TNNI3K: variants seen among roughly 807,000 people sequenced by gnomAD.
The protein encoded by TNNI3K is serine/threonine-protein kinase TNNI3K.
In TNNI3K, 140 loss-of-function variants were observed where a neutral mutation model predicts 114.5. The observed-to-expected ratio is 1.22, with a 90% CI of 1.07 to 1.41. TNNI3K has a LOEUF of 1.41. Among genes scored for constraint, TNNI3K ranks in the 40% most tolerant of loss-of-function variants. The pLI is 0.00. For synonymous variants in TNNI3K, 347 were observed against 347.5 expected, an observed-to-expected ratio of 1.00 and a Z score of 0.02; for missense variants, 1,125 against 1,007.6, an observed-to-expected ratio of 1.12 and a Z score of -1.58.
intron 5 of TNNI3K, among the ~76,000 whole-genome samples, chr1:74,326,405 A>G (rs1659906362): frequency 6.6e-6 from 1 of 152,186 alleles, no homozygotes; most frequent in Admixed American, 6.5e-5. Context: ...TTAAAGTTAT[A>G]CTGTAGCAAA....
At chr1:74,418,611 A>G (rs1665247145) in intron 17 of TNNI3K, among the ~76,000 whole-genome samples, 1 of 152,114 alleles carries the variant, frequency 6.6e-6, no homozygotes, top group South Asian at 2.1e-4. Flanking sequence ...CTAATTGGGT[A>G]AAAATTTACG....
chr1:74,464,580 G>T, intron 21 of TNNI3K: 3 of 1,480,550 alleles, frequency 2.0e-6, no homozygotes, highest in South Asian at 2.8e-5. Flanking sequence ...AATAAAATAG[G>T]CCCCAGTCCA....
chr1:74,352,680 C>A (rs975835620), intron 9 of TNNI3K, among the ~76,000 whole-genome samples: 1 of 152,182 alleles, frequency 6.6e-6, no homozygotes, highest in Non-Finnish European at 1.5e-5. Context: ...GGCGTCCCTC[C>A]CCCAGCCTCG....
intron 9 of TNNI3K, among the ~76,000 whole-genome samples, chr1:74,348,561 A>C (rs1211492266): frequency 1.3e-5 from 2 of 152,148 alleles, no homozygotes; most frequent in Non-Finnish European, 2.9e-5. Context: ...TGATGGAGAT[A>C]CTATTGAATC....
intron 23 of TNNI3K, among the ~76,000 whole-genome samples, chr1:74,502,477 T>G (rs538906728): frequency 6.6e-6 from 1 of 152,230 alleles, no homozygotes; most frequent in South Asian, 2.1e-4. Flanking sequence ...ATAATTTAAT[T>G]TGGGCCTGTC....
intron 4 of TNNI3K, among the ~76,000 whole-genome samples, chr1:74,268,287 G>A (rs1570396299): frequency 6.6e-6 from 1 of 151,836 alleles, no homozygotes; most frequent in Non-Finnish European, 1.5e-5. Context: ...GTTTTAAGGC[G>A]ATGTTTTTCC....
At chr1:74,290,506 A>G (rs1207318818) in intron 5 of TNNI3K, among the ~76,000 whole-genome samples, 1 of 151,806 alleles carries the variant, frequency 6.6e-6, no homozygotes, top group Non-Finnish European at 1.5e-5. Flanking sequence ...TTCATGCAAA[A>G]TAAAAAAGTA....
Position 74,336,099 on chromosome 1 carries a change from G to T in TNNI3K, c.632G>T (p.Gly211Val), listed in dbSNP as rs760818407. The change falls in exon 7 of 25, where the codon GGA becomes GTA. Residue 211 changes from glycine to valine, a missense_variant. Physicochemically the swap from Gly to Val is moderately radical, Grantham distance 109. Coordinates refer to ENST00000326637, the MANE Select transcript of TNNI3K (RefSeq NM_015978.3). ...CCCCTCCACCTAGCATCTGCAAAAG[G>T]ATTCTTGAATATTGCAAAACTCTTG... is the stretch of plus-strand genomic sequence containing the variant. The part of the protein sequence containing the change: ...DRPLHLASAK[G>V]FLNIAKLLME... 1.2e-6 allele frequency: 2 copies of T among 1,604,274 alleles called. No individual in the cohort carries two copies. The highest frequency in any genetic ancestry group is 1.7e-6 in the Non-Finnish European group (2 of 1,177,082).
At chr1:74,340,651 G>A (rs540920484) in intron 7 of TNNI3K, among the ~76,000 whole-genome samples, 1 of 152,222 alleles carries the variant, frequency 6.6e-6, no homozygotes, top group South Asian at 2.1e-4. Context: ...ATACTGGGTG[G>A]GGCCAAGGAT....
chr1:74,284,675 C>T (rs1657216881), intron 5 of TNNI3K, among the ~76,000 whole-genome samples: 1 of 152,204 alleles, frequency 6.6e-6, no homozygotes. Flanking sequence ...TTACTCTTTT[C>T]TCTGCCCTAA....
chr1:74,273,616 A>G (rs775835110), intron 5 of TNNI3K, among the ~76,000 whole-genome samples: 1 of 151,930 alleles, frequency 6.6e-6, no homozygotes, highest in Non-Finnish European at 1.5e-5. Context: ...CTCCTATTCA[A>G]ATAGCTCTGT....
intron 21 of TNNI3K, 110 bp downstream of exon 21, chr1:74,463,660 G>A: frequency 8.0e-7 from 1 of 1,247,608 alleles, no homozygotes; most frequent in East Asian, 2.4e-5. Flanking sequence ...GTCAAGGCGG[G>A]AAGACTGATT....
chr1:74,407,221 T>C (rs1463938425), intron 17 of TNNI3K, among the ~76,000 whole-genome samples: 1 of 152,164 alleles, frequency 6.6e-6, no homozygotes, highest in East Asian at 1.9e-4. Context: ...GGTTAATATA[T>C]ACTAGGAAGT....
chr1:74,438,215 T>C (rs1455720497), intron 19 of TNNI3K, among the ~76,000 whole-genome samples: 3 of 151,918 alleles, frequency 2.0e-5, no homozygotes, highest in African/African-American at 7.2e-5. Flanking sequence ...GCATACTGTG[T>C]ACCTGCTCCC....
At chr1:74,535,694 G>C (rs950742703) in intron 23 of TNNI3K, among the ~76,000 whole-genome samples, 2 of 152,076 alleles carry the variant, frequency 1.3e-5, no homozygotes, top group Non-Finnish European at 2.9e-5. Context: ...AGGAAATGCA[G>C]CATTTTGTTT....
In TNNI3K at chr1:74,465,389, G is replaced by A. The variant is rs929248113; in HGVS notation, c.2121+1839G>A. 3.3e-5 allele frequency among the ~76,000 whole-genome samples: 5 copies of A among 152,316 alleles called. No homozygotes were observed. In the South Asian group the frequency reaches 6.2e-4, roughly 19 times the overall value. On this transcript the variant is annotated intron_variant, in intron 21 of 24. Transcript: ENST00000326637. The stretch of plus-strand genomic sequence containing the variant: ...GTGGGCGCCACTCCAGGCACTGAGG[G>A]GCTTAGCACCTGAGCCAGCAGCTGC...
intron 17 of TNNI3K, chr1:74,372,172 T>G (rs751838667): frequency 6.6e-6 from 1 of 151,522 alleles, no homozygotes; most frequent in African/African-American, 2.4e-5. Context: ...ATTGATTGGT[T>G]GTACCTTGTT....
chr1:74,483,316 A>G (rs762475126), intron 21 of TNNI3K: 25 of 717,528 alleles, frequency 3.5e-5, no homozygotes, highest in South Asian at 3.4e-4. Context: ...CACACCACAC[A>G]TGACTCAGGG....
At position 74,445,580 on chromosome 1, in the gene TNNI3K, A is replaced by G. The variant is rs1570629362; in HGVS notation, c.2011+5958A>G. Among the ~76,000 whole-genome samples the G allele has an allele frequency of 2.0e-5, 3 of 148,004 alleles. No homozygotes were observed. In the South Asian group the frequency reaches 6.5e-4, roughly 32 times the overall value. On this transcript the variant is annotated intron_variant, in intron 20 of 24. Transcript: ENST00000326637. ...ATTTTTTATGGCTGCATAGTATTCC[A>G]TGGTGTATATGTTCCACATTTTCTT...
Sources: allele counts gnomAD v4.1 joint callset (sites outside exome capture counted in the v4.1 genomes callset), GRCh38; gene constraint gnomAD v4.1.1; transcripts MANE v1.5; gene names NCBI Gene and HGNC (gene_info 2026-07-23, HGNC 2026-07-21).